The following EPS8 variants were observed in gnomAD, a reference collection of about 807,000 sequenced individuals.
EPS8 encodes the protein EGFR pathway substrate 8, signaling adaptor, also known as epidermal growth factor receptor kinase substrate 8.
In EPS8, 42 loss-of-function variants were observed where a neutral mutation model predicts 103.8. The ratio of observed to expected loss-of-function variants is 0.40; its 90% CI spans 0.32 to 0.52. EPS8 has a LOEUF of 0.52. Among genes scored for constraint, EPS8 ranks in the 20% least tolerant of loss-of-function variants. The pLI is 0.40. For missense variants in EPS8, 969 were observed against 1,005.1 expected, an observed-to-expected ratio of 0.96 and a Z score of 0.49; for synonymous variants, 344 against 344.6, an observed-to-expected ratio of 1.00 and a Z score of 0.02.
At position 15,727,026 on chromosome 12, in the gene EPS8, G is replaced by C. The variant is rs577218884; in HGVS notation, c.-21-44054C>G. The stretch of plus-strand genomic sequence containing the variant: ...CAACTTAGATTTCAATTGTTAAACA[G>C]TTAAGAATGACTACAGTTCAGTGAG... On this transcript the variant is annotated intron_variant, in intron 1 of 20. Transcript: ENST00000281172. The surrounding 1 kb of genome is among the most constrained non-coding windows in gnomAD (Gnocchi z 4.3). 2.0e-5 allele frequency among the ~76,000 whole-genome samples: 3 copies of C among 152,258 alleles called. No individual in the cohort carries two copies. The South Asian group carries it at 6.2e-4, about 32-fold the overall frequency.
chr12:15,628,913 A>C (rs990334619), intron 18 of EPS8, among the ~76,000 whole-genome samples: 4 of 152,260 alleles, frequency 2.6e-5, no homozygotes, highest in African/African-American at 4.8e-5. Context: ...AAGAACATTA[A>C]GCCCCAACAT....
intron 16 of EPS8, among the ~76,000 whole-genome samples, chr12:15,641,253 GA>G (rs1945223515): frequency 1.3e-5 from 2 of 152,104 alleles, no homozygotes; most frequent in South Asian, 4.1e-4. Flanking sequence ...ATATATTCAA[GA>G]AGATGAACTG....
intron 3 of EPS8, among the ~76,000 whole-genome samples, chr12:15,680,464 A>C (rs987450215): frequency 4.6e-5 from 7 of 152,218 alleles, no homozygotes; most frequent in African/African-American, 1.7e-4. Context: ...CATTACACAG[A>C]TAAGCAAAAT....
intron 6 of EPS8, 43 bp from the exon 7 acceptor site, chr12:15,666,565 T>G: frequency 7.1e-7 from 1 of 1,405,038 alleles, no homozygotes; most frequent in Non-Finnish European, 1.0e-6. Context: ...TGGATTTTTC[T>G]GAGTCTTGAT....
chr12:15,654,516 T>G (rs2135796889), intron 12 of EPS8: 3 of 551,582 alleles, frequency 5.4e-6, no homozygotes, highest in Non-Finnish European at 9.6e-6. Flanking sequence ...TTTAACAACT[T>G]TCACAGCATC....
In EPS8 at chr12:15,701,772, A is replaced by T. The variant is rs1946314370; in HGVS notation, c.-21-18800T>A. Reference sequence around the variant, plus strand: ...ATCTCACAGACCTATAAAAACACCAAAATGATACTGCCCTGGACACGGCCC... The same window carrying T: ...ATCTCACAGACCTATAAAAACACCATAATGATACTGCCCTGGACACGGCCC... On this transcript the variant is annotated intron_variant, in intron 1 of 20. Coordinates refer to ENST00000281172, the MANE Select transcript of EPS8 (RefSeq NM_004447.6). This position sits in a 1 kb window ranked among gnomAD's most constrained non-coding sequence, Gnocchi z 5.1. Among the ~76,000 whole-genome samples the T allele has an allele frequency of 6.6e-6, 1 of 152,164 alleles. No individual in the cohort carries two copies. The highest frequency in any genetic ancestry group is 1.5e-5 in the Non-Finnish European group (1 of 68,018).
chr12:15,675,991 G>A (rs957436838), intron 3 of EPS8, among the ~76,000 whole-genome samples: 8 of 151,970 alleles, frequency 5.3e-5, no homozygotes, highest in Non-Finnish European at 7.4e-5. Flanking sequence ...AGACTCTCTC[G>A]GCTGGGCGTG....
chr12:15,631,382 T>G, intron 18 of EPS8, 60 bp downstream of exon 18: 1 of 1,603,446 alleles, frequency 6.2e-7, no homozygotes, highest in South Asian at 1.1e-5. Context: ...GTAAACAATA[T>G]TTTACTTAGT....
At chr12:15,646,641 A>G (rs1945324201) in intron 15 of EPS8, among the ~76,000 whole-genome samples, 1 of 152,254 alleles carries the variant, frequency 6.6e-6, no homozygotes, top group Non-Finnish European at 1.5e-5. Context: ...GTCAAGATAA[A>G]AAGATGAAAT....
In EPS8 at chr12:15,769,653, C is replaced by T. The variant is rs76631914; in HGVS notation, c.-22+19508G>A. Reference sequence around the variant, plus strand: ...CTCTATATAATTATTCTGCACATCACGAGAATATTCAAGACTCTATTGAAT... The same window carrying T: ...CTCTATATAATTATTCTGCACATCATGAGAATATTCAAGACTCTATTGAAT... On this transcript the variant is annotated intron_variant, in intron 1 of 20. Coordinates refer to ENST00000281172, the MANE Select transcript of EPS8 (RefSeq NM_004447.6). The surrounding 1 kb of genome is among the most constrained non-coding windows in gnomAD (Gnocchi z 4.6). Among the ~76,000 whole-genome samples the T allele has an allele frequency of 7.9e-3, 1,205 of 152,246 alleles. 17 individuals are homozygous for T. The highest frequency in any genetic ancestry group is 0.028 in the African/African-American group (1,152 of 41,550).
chr12:15,745,758 T>C lies in EPS8; in HGVS notation c.-22+43403A>G, dbSNP rs1177524358. Reference sequence around the variant, plus strand: ...AGACTATCTAGATAATAGCTCAAGTTCTCTGCCTTTTAGTAGAAACATCAA... The same window carrying C: ...AGACTATCTAGATAATAGCTCAAGTCCTCTGCCTTTTAGTAGAAACATCAA... On this transcript the variant is annotated intron_variant, in intron 1 of 20. Transcript: ENST00000281172. This position sits in a 1 kb window ranked among gnomAD's most constrained non-coding sequence, Gnocchi z 4.6. Among the ~76,000 whole-genome samples, 1 of 152,204 alleles carries C rather than the reference T, an allele frequency of 6.6e-6. No individual in the cohort carries two copies. The highest frequency in any genetic ancestry group is 2.4e-5 in the African/African-American group (1 of 41,462).
Position 15,665,797 on chromosome 12 carries a change from C to A in EPS8, c.695G>T (p.Arg232Leu). Residue 232 changes from arginine (R) to leucine (L), a missense_variant, in exon 8 of 21, where the codon CGA becomes CTA. By Grantham distance (102) the Arg-to-Leu change is moderately radical. Transcript: ENST00000281172. ...TGCCCATGCAGACCAGGCTGCCACTCGACTTCTAACATCCACCTGGGTGAC... is the reference window on the plus strand; with the variant it reads ...TGCCCATGCAGACCAGGCTGCCACTAGACTTCTAACATCCACCTGGGTGAC... Reference protein sequence around the residue: ...GTVTQVDVRSRVAAWSAWAAD... With the variant: ...GTVTQVDVRSLVAAWSAWAAD... 1 of 1,613,630 alleles carries A rather than the reference C, an allele frequency of 6.2e-7. No individual in the cohort carries two copies. Among genetic ancestry groups the A allele is most frequent in the Admixed American group, 1.7e-5 (1 of 59,866 alleles).
chr12:15,709,690 C>A (rs1946435371), intron 1 of EPS8, among the ~76,000 whole-genome samples: 1 of 152,212 alleles, frequency 6.6e-6, no homozygotes. Context: ...CAGGCCAGAG[C>A]AACGGGAGGG....
Position 15,785,177 on chromosome 12 carries a change from C to T in EPS8, c.-22+3984G>A, listed in dbSNP as rs73316998. Among the ~76,000 whole-genome samples, 2 of 152,068 alleles carry T rather than the reference C, an allele frequency of 1.3e-5. No homozygotes were observed. The highest frequency in any genetic ancestry group is 4.8e-5 in the African/African-American group (2 of 41,436). On this transcript the variant is annotated intron_variant, in intron 1 of 20. Coordinates refer to ENST00000281172, the MANE Select transcript of EPS8 (RefSeq NM_004447.6). The surrounding 1 kb of genome is among the most constrained non-coding windows in gnomAD (Gnocchi z 4.9). ...GGAATGCAGATTGTAACAAAGAAAT[C>T]TAACTGTATTATAAATGTGTGCTAC...
At chr12:15,642,156 A>G (rs1301438994) in intron 15 of EPS8, among the ~76,000 whole-genome samples, 1 of 152,074 alleles carries the variant, frequency 6.6e-6, no homozygotes, top group African/African-American at 2.4e-5. Context: ...TCTCTACCAT[A>G]AAAGAACTAG....
intron 1 of EPS8, among the ~76,000 whole-genome samples, chr12:15,758,318 G>A (rs1302850965): frequency 1.3e-5 from 2 of 152,234 alleles, no homozygotes; most frequent in East Asian, 3.9e-4. Flanking sequence ...TAATCATGAA[G>A]AAACAAGACA....
At chr12:15,656,767 T>C (rs1565483164) in intron 12 of EPS8, among the ~76,000 whole-genome samples, 1 of 152,120 alleles carries the variant, frequency 6.6e-6, no homozygotes, top group African/African-American at 2.4e-5. Context: ...TAAAACTGAA[T>C]TTTTCACCAA....
At chr12:15,712,218 G>A (rs1372027294) in intron 1 of EPS8, among the ~76,000 whole-genome samples, 1 of 151,586 alleles carries the variant, frequency 6.6e-6, no homozygotes, top group African/African-American at 2.4e-5. Context: ...ACATTTACAA[G>A]TTCCATTAAT....
intron 12 of EPS8, among the ~76,000 whole-genome samples, chr12:15,656,394 C>T (rs761484902): frequency 9.2e-5 from 14 of 152,120 alleles, no homozygotes; most frequent in Non-Finnish European, 1.6e-4. Context: ...TATACAGCAA[C>T]AACATATAGG....
Sources: allele counts gnomAD v4.1 joint callset (sites outside exome capture counted in the v4.1 genomes callset), GRCh38; gene constraint gnomAD v4.1.1; non-coding constraint Gnocchi (gnomAD v3.1); transcripts MANE v1.5; gene names NCBI Gene and HGNC (gene_info 2026-07-23, HGNC 2026-07-21).